Variants in ASB7 observed in about 807,000 individuals in gnomAD.
The protein encoded by ASB7 is ankyrin repeat and SOCS box protein 7.
A neutral mutation model predicts 32.5 loss-of-function variants in ASB7; 4 were observed. The ratio of observed to expected loss-of-function variants is 0.12; its 90% confidence interval spans 0.06 to 0.28. ASB7 has a LOEUF of 0.28. Among genes scored for constraint, ASB7 ranks in the 10% least tolerant of loss-of-function variants. The pLI, the probability that ASB7 is intolerant of heterozygous loss-of-function variation, is 1.00. For synonymous variants in ASB7, 172 were observed against 155.6 expected, an observed-to-expected ratio of 1.11 and a Z score of -0.78; for missense variants, 181 against 407.1, an observed-to-expected ratio of 0.44 and a Z score of 4.78.
intron 4 of ASB7, among the ~76,000 whole-genome samples, chr15:100,628,653 T>G (rs192441012): frequency 2.6e-5 from 4 of 152,322 alleles, no homozygotes; most frequent in Middle Eastern, 3.4e-3. Context: ...CTGAGGCCAG[T>G]GACAAAAGAC....
chr15:100,646,988 T>A (rs1045220721), intron 5 of ASB7, among the ~76,000 whole-genome samples: 2 of 149,222 alleles, frequency 1.3e-5, no homozygotes, highest in African/African-American at 5.0e-5. Context: ...AACCATACAT[T>A]AAAAGCTTTG....
chr15:100,645,861 G>T, intron 5 of ASB7: 2 of 973,370 alleles, frequency 2.1e-6, no homozygotes, highest in Non-Finnish European at 3.2e-6. Context: ...AAGATACGCT[G>T]CAGATTTCTT....
Position 100,648,515 on chromosome 15 carries a change from C to G in ASB7, c.*53C>G. On this transcript the variant is annotated 3_prime_UTR_variant, in exon 6 of 6. Coordinates refer to ENST00000332783, the MANE Select transcript of ASB7 (RefSeq NM_198243.3). ...AGTTCTATTCTAGATACTTAAAAGG[C>G]TTTTTGCCTTGCACAAAGTATATCC... 1 of 1,461,234 alleles carries G rather than the reference C, an allele frequency of 6.8e-7. No individual in the cohort carries two copies. The highest frequency in any genetic ancestry group is 1.3e-5 in the South Asian group (1 of 78,516). The allele number at this position is 1,461,234 out of a possible 1,614,324, so 90.5% of individuals were successfully genotyped here.
intron 5 of ASB7, 146 bp downstream of exon 5, chr15:100,630,188 TAAAA>T (rs541033683): frequency 1.6e-6 from 2 of 1,236,776 alleles, no homozygotes; most frequent in African/African-American, 1.6e-5. Flanking sequence ...TCTTCTGAAA[TAAAA>T]AAAAAACTTT....
intron 5 of ASB7, among the ~76,000 whole-genome samples, chr15:100,635,756 G>A (rs767014717): frequency 1.6e-4 from 25 of 152,312 alleles, no homozygotes; most frequent in East Asian, 5.8e-4. Context: ...CCTAGGCTGC[G>A]TCTTCACACG....
intron 5 of ASB7, among the ~76,000 whole-genome samples, chr15:100,631,121 C>CT (rs2039880095): frequency 6.6e-6 from 1 of 152,158 alleles, no homozygotes; most frequent in African/African-American, 2.4e-5. Flanking sequence ...CAATTATTAT[C>CT]ACTAATGTTT....
intron 4 of ASB7, among the ~76,000 whole-genome samples, chr15:100,623,150 G>T (rs1463350869): frequency 6.6e-6 from 1 of 152,196 alleles, no homozygotes. Context: ...TGTAATCCCA[G>T]CACTTTGGGA....
chr15:100,606,947 G>A (rs1469360556), intron 2 of ASB7, among the ~76,000 whole-genome samples: 1 of 152,148 alleles, frequency 6.6e-6, no homozygotes, highest in Non-Finnish European at 1.5e-5. Context: ...AAGGTCAAGA[G>A]ATCGAGATCA....
chr15:100,604,840 G>T (rs2039627459), intron 2 of ASB7, among the ~76,000 whole-genome samples: 1 of 152,228 alleles, frequency 6.6e-6, no homozygotes, highest in Non-Finnish European at 1.5e-5. Context: ...TTGTCAGGGA[G>T]ATGGCCTAAT....
chr15:100,630,468 A>G (rs951933785), intron 5 of ASB7, among the ~76,000 whole-genome samples: 1 of 152,150 alleles, frequency 6.6e-6, no homozygotes, highest in African/African-American at 2.4e-5. Context: ...TTTGTGCTTT[A>G]TTGCTAAGTT....
chr15:100,613,225 G>A (rs554149144), intron 4 of ASB7, among the ~76,000 whole-genome samples: 9 of 152,186 alleles, frequency 5.9e-5, no homozygotes, highest in Admixed American at 5.9e-4. Flanking sequence ...GGCTTTAATT[G>A]CTCATTAGAA....
chr15:100,644,451 A>G (rs2039984028), intron 5 of ASB7, among the ~76,000 whole-genome samples: 1 of 152,228 alleles, frequency 6.6e-6, no homozygotes, highest in Admixed American at 6.5e-5. Flanking sequence ...AATTCAAAAC[A>G]GGCTTGGAAA....
intron 5 of ASB7, chr15:100,645,464 G>C: frequency 2.0e-6 from 1 of 492,784 alleles, no homozygotes; most frequent in South Asian, 1.8e-5. Flanking sequence ...TTTATTATCT[G>C]CTCCTCCACT....
In ASB7 at chr15:100,650,541, T is replaced by G. The variant is rs1278552355; in HGVS notation, c.*2079T>G. ...GGCTGATTTCCACGTATGTGTGTGT[T>G]AATTTATTCACTTAGTTTCAAAAGA... On this transcript the variant is annotated 3_prime_UTR_variant, in exon 6 of 6. Transcript: ENST00000332783. The G allele has an allele frequency of 1.3e-5, 2 of 152,222 alleles. No homozygotes were observed. Among genetic ancestry groups the G allele is most frequent in the African/African-American group, 4.8e-5 (2 of 41,456 alleles). The allele number at this position is 152,222 out of a possible 1,614,324, so 9.4% of individuals were successfully genotyped here.
chr15:100,635,366 CTG>C (rs1031417048), intron 5 of ASB7, among the ~76,000 whole-genome samples: 3 of 152,290 alleles, frequency 2.0e-5, no homozygotes, highest in Admixed American at 2.0e-4. Flanking sequence ...TCTCTCCAGA[CTG>C]TGTTTTTTTC....
intron 4 of ASB7, among the ~76,000 whole-genome samples, chr15:100,618,134 T>C (rs2039759982): frequency 6.6e-6 from 1 of 152,186 alleles, no homozygotes; most frequent in African/African-American, 2.4e-5. Flanking sequence ...TTATTTATTT[T>C]GAGATGGAGT....
Position 100,624,357 on chromosome 15 carries a change from C to T in ASB7, c.212-5080C>T, listed in dbSNP as rs148107793. ...AAATGCTCAAGGTGATGATGGATAACGCAGATACCCTGACTTGATCGTTAC... is the reference window on the plus strand; with the variant it reads ...AAATGCTCAAGGTGATGATGGATAATGCAGATACCCTGACTTGATCGTTAC... On this transcript the variant is annotated intron_variant, in intron 4 of 5. Transcript: ENST00000332783. 4.4e-3 allele frequency among the ~76,000 whole-genome samples: 668 copies of T among 152,264 alleles called. 2 individuals carry two copies. The highest frequency in any genetic ancestry group is 0.015 in the African/African-American group (631 of 41,552).
At chr15:100,646,908 G>A (rs2040000736) in intron 5 of ASB7, among the ~76,000 whole-genome samples, 1 of 152,200 alleles carries the variant, frequency 6.6e-6, no homozygotes, top group South Asian at 2.1e-4. Flanking sequence ...ACGAGGTGGT[G>A]TGATTGATGT....
At position 100,621,043 on chromosome 15, in the gene ASB7, T is replaced by G. The variant is rs548349696; in HGVS notation, c.212-8394T>G. 4.6e-5 allele frequency among the ~76,000 whole-genome samples: 7 copies of G among 152,288 alleles called. 1 individual carries two copies. Among genetic ancestry groups the G allele is most frequent in the African/African-American group, 1.7e-4 (7 of 41,552 alleles). The stretch of plus-strand genomic sequence containing the variant: ...GAACGGTGAAAAATATTTTTAGCAT[T>G]TCAAAAATGAAAGATTTTGCAAATG... On this transcript the variant is annotated intron_variant, in intron 4 of 5. Coordinates refer to ENST00000332783, the MANE Select transcript of ASB7 (RefSeq NM_198243.3).
Sources: allele counts gnomAD v4.1 joint callset (sites outside exome capture counted in the v4.1 genomes callset), GRCh38; gene constraint gnomAD v4.1.1; transcripts MANE v1.5; gene names NCBI Gene and HGNC (gene_info 2026-07-23, HGNC 2026-07-21).